Variants in RIF1 observed in about 807,000 individuals in gnomAD.
RIF1 encodes replication timing regulatory factor 1, also known as telomere-associated protein RIF1.
Under a neutral mutation model 247.1 loss-of-function variants are expected in RIF1, and 45 were observed. The observed-to-expected ratio is 0.18, with a 90% CI of 0.14 to 0.23. The LOEUF (loss-of-function observed/expected upper bound fraction) is 0.23. RIF1 is among the 10% of genes least tolerant of loss of function. The pLI is 1.00. For synonymous variants in RIF1, 1,087 were observed against 978.8 expected (o/e 1.11, Z -2.06); for missense variants, 2,967 against 2,862.5 (o/e 1.04, Z -0.83).
At chr2:151,431,247 C>T (rs1690070652) in intron 9 of RIF1, among the ~76,000 whole-genome samples, 1 of 152,088 alleles carries the variant, frequency 6.6e-6, no homozygotes, top group South Asian at 2.1e-4. Context: ...GGAGGGAAGG[C>T]AGAAGAGCAG....
At chr2:151,483,218 T>G (rs1201124467), downstream of RIF1, 1 of 152,144 alleles carries the variant, frequency 6.6e-6, no homozygotes, top group Non-Finnish European at 1.5e-5. Context: ...GATGGCTCTT[T>G]GCAGCCTACG....
chr2:151,497,054 C>G, intron 10 of RIF1: 1 of 1,554,532 alleles, frequency 6.4e-7, no homozygotes, highest in Non-Finnish European at 8.7e-7. Flanking sequence ...AGAAAGCAAC[C>G]AGAAAAACAA....
At chr2:151,432,566 A>T (rs974564273) in intron 9 of RIF1, among the ~76,000 whole-genome samples, 2 of 152,222 alleles carry the variant, frequency 1.3e-5, no homozygotes, top group African/African-American at 4.8e-5. Flanking sequence ...TTGATTTTTA[A>T]AATGATAGCC....
intron 12 of RIF1, chr2:151,505,637 T>A: frequency 1.5e-6 from 2 of 1,332,976 alleles, no homozygotes; most frequent in Non-Finnish European, 2.2e-6. Flanking sequence ...TCCCAACATG[T>A]ACATGTTTTT....
At chr2:151,437,815 T>C (rs1691527641) in intron 13 of RIF1, among the ~76,000 whole-genome samples, 1 of 152,234 alleles carries the variant, frequency 6.6e-6, no homozygotes, top group Admixed American at 6.5e-5. Flanking sequence ...GTTAGTTCAT[T>C]TTACAAATGA....
intron 20 of RIF1, among the ~76,000 whole-genome samples, chr2:151,449,008 G>A (rs575455886): frequency 8.5e-4 from 129 of 152,232 alleles, no homozygotes; most frequent in African/African-American, 2.9e-3. Flanking sequence ...AGATTAATTC[G>A]GAAAAGAATT....
chr2:151,418,270 T>C (rs531208834), intron 6 of RIF1, among the ~76,000 whole-genome samples: 29 of 152,318 alleles, frequency 1.9e-4, no homozygotes, highest in African/African-American at 7.0e-4. Context: ...AGTGGTGTGA[T>C]ATCAGCTCTC....
At position 151,420,250 on chromosome 2, in the gene RIF1, C is replaced by G; in HGVS notation, c.564C>G (p.Val188=). The G allele has an allele frequency of 6.2e-7, 1 of 1,614,102 alleles. No homozygotes were observed. ...GEEAVRWAKL[V]IPLVVHSAQK... ...AGGCAGTGAGGTGGGCAAAACTGGT[C>G]ATACCTTTAGTGGTTCATTCAGCAC... The change falls in exon 7 of 36, where the codon GTC becomes GTG. Residue 188 remains valine, a synonymous_variant. Transcript: ENST00000444746.
downstream of RIF1, among the ~76,000 whole-genome samples, chr2:151,510,368 C>CA (rs1249217975): frequency 6.6e-6 from 1 of 152,246 alleles, no homozygotes; most frequent in Admixed American, 6.5e-5. Context: ...GCTTTTGTTA[C>CA]ATCCCAGCCT....
chr2:151,410,118 C>T (rs973242613), intron 1 of RIF1, 85 bp downstream of exon 1: 1 of 688,022 alleles, frequency 1.5e-6, no homozygotes, highest in Admixed American at 2.0e-5. Flanking sequence ...CGAGATGCCT[C>T]GTTCCCCGGG....
downstream of RIF1, among the ~76,000 whole-genome samples, chr2:151,482,640 G>A (rs2049215821): frequency 6.6e-6 from 1 of 152,070 alleles, no homozygotes. Flanking sequence ...GATGGCAGCC[G>A]AAGAAAAGCT....
chr2:151,410,311 G>A, intron 1 of RIF1, 103 bp from the exon 2 acceptor site: 5 of 863,970 alleles, frequency 5.8e-6, no homozygotes, highest in South Asian at 4.7e-5. Context: ...TGGCTGTGAG[G>A]CCCGGGCGGG....
chr2:151,427,431 G>A (rs574689513), intron 8 of RIF1, among the ~76,000 whole-genome samples: 6 of 151,272 alleles, frequency 4.0e-5, no homozygotes, highest in African/African-American at 1.2e-4. Context: ...GGCTGGTCTC[G>A]AACTCCTGAC....
At chr2:151,530,154 T>C in the RIF1 span, among the ~76,000 whole-genome samples, 6 of 152,248 alleles carry the variant, frequency 3.9e-5, no homozygotes, top group Admixed American at 6.5e-5. Flanking sequence ...CAATATTTGA[T>C]GAATGAATGA....
At chr2:151,471,656 G>A (rs2048536080) in intron 34 of RIF1, among the ~76,000 whole-genome samples, 1 of 152,012 alleles carries the variant, frequency 6.6e-6, no homozygotes, top group African/African-American at 2.4e-5. Context: ...TTTTTGTCAG[G>A]TTTGTCAAAG....
At chr2:151,424,324 G>A (rs150143439) in intron 8 of RIF1, among the ~76,000 whole-genome samples, 154 of 152,228 alleles carry the variant, frequency 1.0e-3, no homozygotes, top group African/African-American at 3.6e-3. Flanking sequence ...GGATGGTCTC[G>A]ATCTCCTGAC....
rs757604633 is a variant in RIF1 at position 151,443,611 on chromosome 2, A to G, written c.1888A>G (p.Asn630Asp). ...SPLAFSDSVLNVINQNAKQLE... is the reference protein window; with the variant it reads ...SPLAFSDSVLDVINQNAKQLE... Reference sequence around the variant, plus strand: ...ACTAGCTTTCAGTGACTCAGTTTTAAATGTTATTAATCAAAATGCAAAGCA... The same window carrying G: ...ACTAGCTTTCAGTGACTCAGTTTTAGATGTTATTAATCAAAATGCAAAGCA... The change falls in exon 18 of 36, where the codon AAT becomes GAT. Residue 630 changes from asparagine (N) to aspartate (D), a missense_variant. Asn to Asp is a conservative substitution (Grantham distance 23, BLOSUM62 1). Around this residue, in one of 7 missense-constraint regions of RIF1, gnomAD observed 369 missense variants for 322.0 expected, o/e 1.15. Coordinates refer to ENST00000444746, the MANE Select transcript of RIF1 (RefSeq NM_018151.5). The G allele has an allele frequency of 1.2e-6, 2 of 1,613,040 alleles. No individual in the cohort carries two copies. The highest frequency in any genetic ancestry group is 1.7e-6 in the Non-Finnish European group (2 of 1,179,584).
At chr2:151,496,805 G>GA in intron 10 of RIF1, 2 of 1,152,796 alleles carry the variant, frequency 1.7e-6, no homozygotes, top group Non-Finnish European at 1.2e-6. Flanking sequence ...TAGCCCAAAG[G>GA]AAAAAAGGAT....
intron 8 of RIF1, among the ~76,000 whole-genome samples, chr2:151,427,367 C>T (rs749901533): frequency 3.3e-5 from 5 of 151,638 alleles, no homozygotes; most frequent in Admixed American, 6.6e-5. Context: ...TGTGCCACCA[C>T]GCCTGGCTGA....
Sources: allele counts gnomAD v4.1 joint callset (sites outside exome capture counted in the v4.1 genomes callset), GRCh38; gene constraint gnomAD v4.1.1; regional missense constraint gnomAD v4.1.1; transcripts MANE v1.5; gene names NCBI Gene and HGNC (gene_info 2026-07-23, HGNC 2026-07-21).